Variants in MSRB3 observed in about 807,000 individuals in gnomAD.
The protein encoded by MSRB3 is methionine-R-sulfoxide reductase B3.
MSRB3 carries 13 observed loss-of-function variants against 21.0 expected under a neutral mutation model. The observed-to-expected ratio is 0.62, with a 90% confidence interval of 0.40 to 0.98. MSRB3 has a LOEUF of 0.98. MSRB3 is among the 50% of genes least tolerant of loss of function. The pLI, the probability that MSRB3 is intolerant of heterozygous loss-of-function variation, is 0.00. For synonymous variants in MSRB3, 87 were observed against 88.6 expected, an observed-to-expected ratio of 0.98 and a Z score of 0.10; for missense variants, 199 against 230.3, an observed-to-expected ratio of 0.86 and a Z score of 0.88.
intron 5 of MSRB3, among the ~76,000 whole-genome samples, chr12:65,400,426 G>A (rs1342341741): frequency 1.3e-5 from 2 of 152,066 alleles, no homozygotes; most frequent in Non-Finnish European, 2.9e-5. Context: ...TCTGATGGTA[G>A]TTTGTATTTC....
At position 65,282,449 on chromosome 12, in the gene MSRB3, C is replaced by T. The variant is rs184493147; in HGVS notation, c.-52+3584C>T. 1.2e-4 allele frequency among the ~76,000 whole-genome samples: 19 copies of T among 152,122 alleles called. No individual in the cohort carries two copies. In the East Asian group the frequency reaches 1.4e-3, roughly 11 times the overall value. On this transcript the variant is annotated intron_variant, in intron 1 of 6. Transcript: ENST00000308259. The stretch of plus-strand genomic sequence containing the variant: ...GAAAGTATAGAAAAGATCAAACAAA[C>T]GCATCGAACAATTGACTTTATGAAA...
At chr12:65,320,804 C>T (rs907796536) in intron 2 of MSRB3, among the ~76,000 whole-genome samples, 8 of 152,132 alleles carry the variant, frequency 5.3e-5, no homozygotes, top group Non-Finnish European at 1.2e-4. Context: ...TGTAAATTTC[C>T]TGGTTTAAAA....
At chr12:65,451,597 C>T (rs1882860494) in intron 5 of MSRB3, among the ~76,000 whole-genome samples, 1 of 152,066 alleles carries the variant, frequency 6.6e-6, no homozygotes, top group African/African-American at 2.4e-5. Context: ...ACCCCCAAAA[C>T]CCTGTAAAAT....
At chr12:65,340,262 T>C (rs962548878) in intron 4 of MSRB3, among the ~76,000 whole-genome samples, 1 of 151,932 alleles carries the variant, frequency 6.6e-6, no homozygotes, top group Non-Finnish European at 1.5e-5. Context: ...CACAAGAAAG[T>C]AGGACTGGCA....
At chr12:65,385,190 G>T (rs1025889210) in intron 5 of MSRB3, among the ~76,000 whole-genome samples, 1 of 152,070 alleles carries the variant, frequency 6.6e-6, no homozygotes, top group Non-Finnish European at 1.5e-5. Context: ...AGCGATATGG[G>T]TTTTATTTGG....
At chr12:65,422,387 A>AATAT (rs1565884963) in intron 5 of MSRB3, among the ~76,000 whole-genome samples, 1 of 88,134 alleles carries the variant, frequency 1.1e-5, no homozygotes, top group Admixed American at 1.5e-4. Context: ...GGGAGTACAT[A>AATAT]GTATATATAT....
intron 3 of MSRB3, among the ~76,000 whole-genome samples, chr12:65,327,474 C>A (rs1254979107): frequency 6.6e-6 from 1 of 152,186 alleles, no homozygotes; most frequent in East Asian, 1.9e-4. Context: ...TGGCTTTGGT[C>A]CTTGGAAGTT....
chr12:65,443,205 A>G (rs1394235068), intron 5 of MSRB3, among the ~76,000 whole-genome samples: 4 of 152,096 alleles, frequency 2.6e-5, no homozygotes, highest in Admixed American at 1.3e-4. Context: ...GTACAGCTAC[A>G]TTATTAATCT....
At chr12:65,450,421 A>T (rs768532651) in intron 5 of MSRB3, among the ~76,000 whole-genome samples, 34 of 152,326 alleles carry the variant, frequency 2.2e-4, no homozygotes, top group Admixed American at 9.8e-4. Context: ...GGCATCCTTG[A>T]TAATAATAGG....
At chr12:65,427,533 T>C (rs1881661400) in intron 5 of MSRB3, among the ~76,000 whole-genome samples, 1 of 152,156 alleles carries the variant, frequency 6.6e-6, no homozygotes, top group African/African-American at 2.4e-5. Context: ...TGGATTTGGC[T>C]TGCAGGCCCA....
chr12:65,347,791 A>G (rs1876624209), intron 4 of MSRB3, among the ~76,000 whole-genome samples: 1 of 152,092 alleles, frequency 6.6e-6, no homozygotes, highest in African/African-American at 2.4e-5. Context: ...AGTTTTTAGC[A>G]CGAAGGTTGT....
chr12:65,427,675 C>T (rs1372132241), intron 5 of MSRB3, among the ~76,000 whole-genome samples: 1 of 152,124 alleles, frequency 6.6e-6, no homozygotes, highest in African/African-American at 2.4e-5. Flanking sequence ...CACTAGTGTC[C>T]AGTGTGCAGG....
At chr12:65,416,312 T>A (rs139216869) in intron 5 of MSRB3, among the ~76,000 whole-genome samples, 133 of 152,344 alleles carry the variant, frequency 8.7e-4, no homozygotes, top group African/African-American at 3.1e-3. Flanking sequence ...TTACCCTGGT[T>A]GTGATTCTAT....
chr12:65,339,895 C>T (rs908011533), intron 4 of MSRB3, among the ~76,000 whole-genome samples: 5 of 152,182 alleles, frequency 3.3e-5, no homozygotes, highest in Non-Finnish European at 7.4e-5. Flanking sequence ...TTTCCCCAGT[C>T]TAGCTGGCTA....
intron 5 of MSRB3, among the ~76,000 whole-genome samples, chr12:65,453,051 A>G (rs1166113855): frequency 6.6e-6 from 1 of 152,216 alleles, no homozygotes; most frequent in Non-Finnish European, 1.5e-5. Context: ...TAAAATCACT[A>G]GAATAAATAA....
chr12:65,368,929 C>A (rs896631191), intron 4 of MSRB3, 69 bp from the exon 5 acceptor site: 9 of 607,038 alleles, frequency 1.5e-5, no homozygotes, highest in African/African-American at 3.7e-5. Flanking sequence ...CCACACCCCC[C>A]CCCCCCATGA....
At chr12:65,421,147 A>T (rs1881272077) in intron 5 of MSRB3, among the ~76,000 whole-genome samples, 1 of 152,170 alleles carries the variant, frequency 6.6e-6, no homozygotes, top group Non-Finnish European at 1.5e-5. Flanking sequence ...ACTTTTAAAT[A>T]ATGTCCTTTC....
At chr12:65,350,232 T>C (rs545097158) in intron 4 of MSRB3, among the ~76,000 whole-genome samples, 4,813 of 151,538 alleles carry the variant, frequency 0.032, 265 homozygotes, top group African/African-American at 0.11. Context: ...ATATGCGGCG[T>C]TATTTCTGAG....
chr12:65,449,609 G>A (rs973309891), intron 5 of MSRB3, among the ~76,000 whole-genome samples: 16 of 152,218 alleles, frequency 1.1e-4, no homozygotes, highest in East Asian at 5.8e-4. Context: ...GATTCATTGC[G>A]TTCAAACTTA....
Sources: gnomAD v4.1 joint callset for allele counts (sites outside exome capture counted in the v4.1 genomes callset) on GRCh38, gnomAD v4.1.1 for gene constraint, MANE v1.5 for transcripts, NCBI Gene and HGNC (gene_info 2026-07-23, HGNC 2026-07-21) for gene names.